The following PDE4B variants were observed in gnomAD, a reference collection of about 807,000 sequenced individuals.
PDE4B encodes the protein 3',5'-cyclic-AMP phosphodiesterase 4B.
A neutral mutation model predicts 82.2 loss-of-function variants in PDE4B; 20 were observed. The observed-to-expected ratio is 0.24, with a 90% CI of 0.17 to 0.35. The LOEUF is 0.35. Among genes scored for constraint, PDE4B ranks in the 10% least tolerant of loss-of-function variants. The pLI, the probability that PDE4B is intolerant of heterozygous loss-of-function variation, is 1.00. For synonymous variants in PDE4B, 320 were observed against 318.9 expected (o/e 1.00, Z -0.04); for missense variants, 655 against 907.2 (o/e 0.72, Z 3.57).
At chr1:65,822,625 C>T (rs76396866) in intron 1 of PDE4B, among the ~76,000 whole-genome samples, 1,898 of 152,222 alleles carry the variant, frequency 0.012, 66 homozygotes, top group East Asian at 0.076. Context: ...AGGGCTCTGC[C>T]GTCATGAATG....
At chr1:65,967,298 T>G (rs1259511248) in intron 3 of PDE4B, among the ~76,000 whole-genome samples, 1 of 152,194 alleles carries the variant, frequency 6.6e-6, no homozygotes, top group African/African-American at 2.4e-5. Context: ...TCATCATCAC[T>G]GGTCATTAGA....
chr1:66,252,215 C>T (rs1040910485), intron 4 of PDE4B, among the ~76,000 whole-genome samples: 2 of 152,118 alleles, frequency 1.3e-5, no homozygotes, highest in African/African-American at 4.8e-5. Flanking sequence ...CATTCTCTTA[C>T]TACATGAAAT....
At chr1:66,099,413 G>A (rs1199031922) in intron 3 of PDE4B, among the ~76,000 whole-genome samples, 1 of 152,108 alleles carries the variant, frequency 6.6e-6, no homozygotes, top group Non-Finnish European at 1.5e-5. Context: ...ATTGTGAATA[G>A]TGCTTCAGTG....
At chr1:66,182,049 C>T (rs1464249891) in intron 3 of PDE4B, among the ~76,000 whole-genome samples, 2 of 151,988 alleles carry the variant, frequency 1.3e-5, no homozygotes, top group Non-Finnish European at 2.9e-5. Context: ...CAAAAAAGGG[C>T]TTAAAAAGTC....
Position 66,129,659 on chromosome 1 carries a change from C to CA in PDE4B, c.282-117788dup, listed in dbSNP as rs59846345. ...TGGGCGACAGAGCGAGACTCCGTCTCAAAAAAAAAAAAACAAAAAAACAAA... is the reference window on the plus strand; with the variant it reads ...TGGGCGACAGAGCGAGACTCCGTCTCAAAAAAAAAAAAAACAAAAAAACAAA... On this transcript the variant is annotated intron_variant, in intron 3 of 16. Coordinates refer to ENST00000341517, the MANE Select transcript of PDE4B (RefSeq NM_002600.4). Among the ~76,000 whole-genome samples, 100 of 94,774 alleles carry CA rather than the reference C, an allele frequency of 1.1e-3. 1 individual carries two copies. Among genetic ancestry groups the CA allele is most frequent in the African/African-American group, 3.9e-3 (85 of 21,604 alleles). The allele number at this position is 94,774 out of a possible 152,430, so 62.2% of individuals were successfully genotyped here.
At chr1:66,261,353 G>T (rs1034296644) in intron 6 of PDE4B, among the ~76,000 whole-genome samples, 1 of 151,984 alleles carries the variant, frequency 6.6e-6, no homozygotes, top group African/African-American at 2.4e-5. Flanking sequence ...ACCCCCACCC[G>T]AACACACACA....
intron 1 of PDE4B, among the ~76,000 whole-genome samples, chr1:65,828,543 G>T (rs1381409828): frequency 6.6e-6 from 1 of 152,072 alleles, no homozygotes; most frequent in African/African-American, 2.4e-5. Flanking sequence ...ACTGCACCTG[G>T]TCTCCTTATT....
intron 1 of PDE4B, among the ~76,000 whole-genome samples, chr1:65,801,093 A>G (rs1253520279): frequency 6.6e-6 from 1 of 152,194 alleles, no homozygotes; most frequent in Non-Finnish European, 1.5e-5. Flanking sequence ...CCCTTCTCGA[A>G]CAAAGCTTCT....
At chr1:65,847,216 G>T (rs1261121676) in intron 1 of PDE4B, among the ~76,000 whole-genome samples, 1 of 152,166 alleles carries the variant, frequency 6.6e-6, no homozygotes, top group Non-Finnish European at 1.5e-5. Flanking sequence ...CTTCCATTTT[G>T]TAAAACATTT....
chr1:66,363,698 G>A, intron 12 of PDE4B, 127 bp downstream of exon 12: 1 of 685,334 alleles, frequency 1.5e-6, no homozygotes, highest in Non-Finnish European at 2.3e-6. Context: ...GATTGCTTGA[G>A]CCCAGGGGTT....
At position 66,280,773 on chromosome 1, in the gene PDE4B, G is replaced by A. The variant is rs553841726; in HGVS notation, c.634+14686G>A. Among the ~76,000 whole-genome samples, 15 of 152,090 alleles carry A rather than the reference G, an allele frequency of 9.9e-5. No homozygotes were observed. In the South Asian group the frequency reaches 1.2e-3, roughly 13 times the overall value. Reference sequence around the variant, plus strand: ...ATGCCGAAGTTCTGATTGCACCTCCGTATTCCTATGTTTCCGGTAAGTCTT... The same window carrying A: ...ATGCCGAAGTTCTGATTGCACCTCCATATTCCTATGTTTCCGGTAAGTCTT... On this transcript the variant is annotated intron_variant, in intron 7 of 16. Transcript: ENST00000341517.
intron 3 of PDE4B, among the ~76,000 whole-genome samples, chr1:66,020,327 T>A (rs190172542): frequency 1.5e-4 from 23 of 152,248 alleles, no homozygotes; most frequent in South Asian, 1.2e-3. Flanking sequence ...CTTTTTTTTT[T>A]AATATACTTT....
At chr1:66,271,529 A>C (rs1655477720) in intron 7 of PDE4B, among the ~76,000 whole-genome samples, 1 of 152,252 alleles carries the variant, frequency 6.6e-6, no homozygotes, top group Non-Finnish European at 1.5e-5. Flanking sequence ...CGTTTTTTAC[A>C]AAGACAACCA....
chr1:65,855,289 T>C (rs916467806), intron 1 of PDE4B, among the ~76,000 whole-genome samples: 1 of 152,160 alleles, frequency 6.6e-6, no homozygotes, highest in African/African-American at 2.4e-5. Context: ...AAATTGTGAA[T>C]GTTACATTGT....
intron 3 of PDE4B, among the ~76,000 whole-genome samples, chr1:66,085,277 C>T (rs145682220): frequency 6.6e-6 from 1 of 152,212 alleles, no homozygotes; most frequent in African/African-American, 2.4e-5. Flanking sequence ...AGTGGATGAA[C>T]CTACAGGTTT....
chr1:66,189,565 C>T (rs1186608894), intron 3 of PDE4B, among the ~76,000 whole-genome samples: 5 of 152,224 alleles, frequency 3.3e-5, no homozygotes, highest in Middle Eastern at 3.4e-3. Context: ...CTTCTCTTCT[C>T]GCTTCATTTC....
At chr1:65,809,122 G>C (rs538657750) in intron 1 of PDE4B, among the ~76,000 whole-genome samples, 2 of 152,044 alleles carry the variant, frequency 1.3e-5, no homozygotes, top group East Asian at 3.9e-4. Context: ...CTTGAGGTCA[G>C]GAGTTCGAAA....
chr1:66,244,892 G>A lies in PDE4B; in HGVS notation c.282-2568G>A, dbSNP rs1653185626. On this transcript the variant is annotated intron_variant, in intron 3 of 16. Coordinates refer to ENST00000341517, the MANE Select transcript of PDE4B (RefSeq NM_002600.4). Reference sequence around the variant, plus strand: ...TTACCTGGCATAAGTGAACTTCTTGGATTCTAATACTAGGGACAGAATGCC... The same window carrying A: ...TTACCTGGCATAAGTGAACTTCTTGAATTCTAATACTAGGGACAGAATGCC... Among the ~76,000 whole-genome samples, 3 of 152,164 alleles carry A rather than the reference G, an allele frequency of 2.0e-5. No homozygotes were observed. In the South Asian group the frequency reaches 6.2e-4, roughly 32 times the overall value.
chr1:65,814,257 C>T (rs936676213), intron 1 of PDE4B, among the ~76,000 whole-genome samples: 6 of 152,156 alleles, frequency 3.9e-5, no homozygotes, highest in South Asian at 2.1e-4. Flanking sequence ...AATCCTTTTG[C>T]TCCCTCATCC....
Sources: allele counts gnomAD v4.1 joint callset (sites outside exome capture counted in the v4.1 genomes callset), GRCh38; gene constraint gnomAD v4.1.1; transcripts MANE v1.5; gene names NCBI Gene and HGNC (gene_info 2026-07-23, HGNC 2026-07-21).